DLGAP2: variants seen among roughly 807,000 people sequenced by gnomAD.
The protein encoded by DLGAP2 is disks large-associated protein 2.
Under a neutral mutation model 100.3 loss-of-function variants are expected in DLGAP2, and 26 were observed. The observed-to-expected ratio is 0.26, with a 90% CI of 0.19 to 0.36. The LOEUF (loss-of-function observed/expected upper bound fraction) is 0.36. Ranked by LOEUF, DLGAP2 falls within the 10% of genes least tolerant of loss-of-function variation. DLGAP2 has a pLI of 1.00. For missense variants in DLGAP2, 1,858 were observed against 1,453.2 expected, an observed-to-expected ratio of 1.28 and a Z score of -4.53; for synonymous variants, 886 against 630.1, an observed-to-expected ratio of 1.41 and a Z score of -6.08.
chr8:1,627,881 G>C (rs4875879), intron 7 of DLGAP2, among the ~76,000 whole-genome samples: 2 of 140,568 alleles, frequency 1.4e-5, no homozygotes, highest in Non-Finnish European at 3.0e-5. Flanking sequence ...TTACTGTGGA[G>C]CAGGAATTAA....
At chr8:1,205,376 G>C (rs1797968479) in intron 2 of DLGAP2, among the ~76,000 whole-genome samples, 1 of 151,086 alleles carries the variant, frequency 6.6e-6, no homozygotes, top group Non-Finnish European at 1.5e-5. Flanking sequence ...CAGAAGTGCA[G>C]GCTCTTCCTG....
chr8:1,580,361 G>A (rs1281381960), intron 6 of DLGAP2, among the ~76,000 whole-genome samples: 2 of 152,188 alleles, frequency 1.3e-5, no homozygotes, highest in Non-Finnish European at 2.9e-5. Flanking sequence ...TGAGTCATCA[G>A]CAGGCTCGAC....
intron 1 of DLGAP2, among the ~76,000 whole-genome samples, chr8:827,791 GA>G (rs1431374170): frequency 6.6e-6 from 1 of 152,202 alleles, no homozygotes; most frequent in Non-Finnish European, 1.5e-5. Flanking sequence ...ATGTGGAAAA[GA>G]AACTGAGGAC....
At chr8:1,105,532 G>A (rs908004246) in intron 2 of DLGAP2, among the ~76,000 whole-genome samples, 1 of 152,130 alleles carries the variant, frequency 6.6e-6, no homozygotes, top group Non-Finnish European at 1.5e-5. Flanking sequence ...GTGCCTGAGT[G>A]ACAAGGTAGG....
At chr8:1,226,463 G>A (rs1458599849) in intron 2 of DLGAP2, among the ~76,000 whole-genome samples, 1 of 152,064 alleles carries the variant, frequency 6.6e-6, no homozygotes, top group African/African-American at 2.4e-5. Flanking sequence ...ACACACACAG[G>A]GGCCTGTCAG....
intron 6 of DLGAP2, among the ~76,000 whole-genome samples, chr8:1,593,457 AAATAAT>A (rs908343140): frequency 1.6e-4 from 24 of 151,930 alleles, no homozygotes; most frequent in Non-Finnish European, 3.1e-4. Context: ...TCCGTCTCAA[AAATAAT>A]AATAATAATA....
At chr8:1,523,152 C>T (rs962178843) in intron 4 of DLGAP2, among the ~76,000 whole-genome samples, 5 of 152,254 alleles carry the variant, frequency 3.3e-5, no homozygotes, top group South Asian at 2.1e-4. Flanking sequence ...TTCTGGGGGG[C>T]GGGAGTGAGG....
chr8:1,607,393 C>T (rs939648889), intron 6 of DLGAP2, among the ~76,000 whole-genome samples: 2 of 152,206 alleles, frequency 1.3e-5, no homozygotes, highest in East Asian at 3.9e-4. Context: ...CTCATCACAT[C>T]TGTTCTGACG....
intron 4 of DLGAP2, among the ~76,000 whole-genome samples, chr8:1,505,978 CAT>C: frequency 6.6e-6 from 1 of 152,288 alleles, no homozygotes; most frequent in Admixed American, 6.5e-5. Context: ...ATATTAAGCA[CAT>C]ATTATATATG....
chr8:1,356,960 G>T (rs1056312098), intron 3 of DLGAP2, among the ~76,000 whole-genome samples: 1 of 152,186 alleles, frequency 6.6e-6, no homozygotes, highest in Non-Finnish European at 1.5e-5. Context: ...GAGCAGCTGC[G>T]AGGGCTGAGG....
At chr8:1,206,025 C>A (rs1585151414) in intron 2 of DLGAP2, among the ~76,000 whole-genome samples, 1 of 152,074 alleles carries the variant, frequency 6.6e-6, no homozygotes, top group Admixed American at 6.5e-5. Context: ...GGGATTTCAT[C>A]AGCAAATCAA....
chr8:1,442,539 A>C (rs1797866248), intron 3 of DLGAP2, among the ~76,000 whole-genome samples: 1 of 142,964 alleles, frequency 7.0e-6, no homozygotes, highest in African/African-American at 2.6e-5. Flanking sequence ...GGGTTCAGCC[A>C]CTGGGGGAGA....
intron 3 of DLGAP2, among the ~76,000 whole-genome samples, chr8:1,264,587 G>A (rs963702398): frequency 1.3e-5 from 2 of 152,090 alleles, no homozygotes; most frequent in Admixed American, 1.3e-4. Context: ...AATCAGTTAT[G>A]ATTCTGTCAG....
intron 2 of DLGAP2, among the ~76,000 whole-genome samples, chr8:1,185,950 C>T (rs183737003): frequency 1.8e-4 from 27 of 152,278 alleles, no homozygotes; most frequent in Admixed American, 4.6e-4. Flanking sequence ...TCCATGATCT[C>T]GGGGCCTCCT....
chr8:907,585 G>A (rs915028643), intron 1 of DLGAP2, among the ~76,000 whole-genome samples: 4 of 152,122 alleles, frequency 2.6e-5, no homozygotes, highest in African/African-American at 7.2e-5. Flanking sequence ...ACAAAAATTG[G>A]TGGGTCCATT....
intron 6 of DLGAP2, among the ~76,000 whole-genome samples, chr8:1,588,153 T>A (rs1274388992): frequency 6.6e-6 from 1 of 152,226 alleles, no homozygotes; most frequent in Admixed American, 6.5e-5. Context: ...GCCTTCAGAA[T>A]GTCTAACAGC....
intron 2 of DLGAP2, among the ~76,000 whole-genome samples, chr8:1,036,261 C>T (rs1162332105): frequency 1.6e-4 from 24 of 152,200 alleles, no homozygotes; most frequent in Admixed American, 1.6e-3. Flanking sequence ...ATCCCGACCC[C>T]ACATGTTCAC....
intron 6 of DLGAP2, among the ~76,000 whole-genome samples, chr8:1,605,346 G>C (rs749654384): frequency 1.3e-5 from 2 of 152,174 alleles, no homozygotes; most frequent in Non-Finnish European, 2.9e-5. Flanking sequence ...CGCCACACAA[G>C]TGATACAGCA....
At chr8:1,583,387 A>C (rs1462604541) in intron 6 of DLGAP2, among the ~76,000 whole-genome samples, 2 of 151,214 alleles carry the variant, frequency 1.3e-5, no homozygotes, top group East Asian at 3.9e-4. Flanking sequence ...CTTTTGCTCC[A>C]CACAGCGTAA....
Sources: allele counts gnomAD v4.1 joint callset (sites outside exome capture counted in the v4.1 genomes callset), GRCh38; gene constraint gnomAD v4.1.1; transcripts MANE v1.5; gene names NCBI Gene and HGNC (gene_info 2026-07-23, HGNC 2026-07-21).